ZNRF3: variants seen among roughly 807,000 people sequenced by gnomAD.
ZNRF3 encodes E3 ubiquitin-protein ligase ZNRF3.
Under a neutral mutation model 72.5 loss-of-function variants are expected in ZNRF3, and 23 were observed. The observed-to-expected ratio is 0.32, with a 90% CI of 0.23 to 0.45. The LOEUF (loss-of-function observed/expected upper bound fraction) is 0.45. Ranked by LOEUF, ZNRF3 falls within the 20% of genes least tolerant of loss-of-function variation. The probability of loss-of-function intolerance (pLI) is 1.00; values close to 1 mark genes in which losing one functional copy is unlikely to be tolerated. For missense variants in ZNRF3, 1,169 were observed against 1,272.1 expected, an observed-to-expected ratio of 0.92 and a Z score of 1.23; for synonymous variants, 610 against 545.3, an observed-to-expected ratio of 1.12 and a Z score of -1.65.
chr22:28,939,182 G>T (rs1439701818), intron 1 of ZNRF3, among the ~76,000 whole-genome samples: 1 of 151,692 alleles, frequency 6.6e-6, no homozygotes, highest in Non-Finnish European at 1.5e-5. Context: ...TACTTGGGAG[G>T]CTGAGGCAGG....
At chr22:28,937,897 G>C (rs1486947094) in intron 1 of ZNRF3, among the ~76,000 whole-genome samples, 1 of 152,172 alleles carries the variant, frequency 6.6e-6, no homozygotes, top group African/African-American at 2.4e-5. Context: ...AATAGTTTTA[G>C]ATTTGTGGAA....
At chr22:28,962,382 G>A (rs1278240639) in intron 1 of ZNRF3, among the ~76,000 whole-genome samples, 1 of 152,192 alleles carries the variant, frequency 6.6e-6, no homozygotes, top group Non-Finnish European at 1.5e-5. Flanking sequence ...GGAGTGCAGA[G>A]GGGTGCAATG....
chr22:28,937,190 TATATATATATATATATATATA>T (rs2034838680), intron 1 of ZNRF3, among the ~76,000 whole-genome samples: 2 of 3,146 alleles, frequency 6.4e-4, no homozygotes, highest in South Asian at 0.02. Context: ...TATATATATA[TATATATATATATATATATATA>T]TATATTTTTT....
intron 1 of ZNRF3, among the ~76,000 whole-genome samples, chr22:28,936,237 T>A (rs1267520713): frequency 6.6e-6 from 1 of 152,118 alleles, no homozygotes; most frequent in African/African-American, 2.4e-5. Context: ...AGTTTTATTC[T>A]CCTAATCCTC....
chr22:29,051,232 T>C (rs1315592079), intron 8 of ZNRF3, among the ~76,000 whole-genome samples: 7 of 152,116 alleles, frequency 4.6e-5, no homozygotes, highest in Non-Finnish European at 7.4e-5. Flanking sequence ...CCCATCCGCA[T>C]GCTCACACCA....
intron 1 of ZNRF3, among the ~76,000 whole-genome samples, chr22:28,964,162 G>A (rs2035417077): frequency 2.0e-5 from 3 of 152,224 alleles, no homozygotes; most frequent in East Asian, 1.9e-4. Context: ...TGAGGCAACC[G>A]ACTAAAGAAA....
At chr22:28,893,745 G>A (rs1246683168) in intron 1 of ZNRF3, among the ~76,000 whole-genome samples, 1 of 152,134 alleles carries the variant, frequency 6.6e-6, no homozygotes, top group African/African-American at 2.4e-5. Context: ...CAATTCACCC[G>A]CCTTGGCCTC....
chr22:29,028,714 C>T (rs955085933), intron 2 of ZNRF3, among the ~76,000 whole-genome samples: 37 of 152,300 alleles, frequency 2.4e-4, no homozygotes, highest in African/African-American at 8.9e-4. Context: ...GGGATCAACA[C>T]CACCTCCCTT....
chr22:28,891,681 CT>C, intron 1 of ZNRF3, among the ~76,000 whole-genome samples: 1 of 152,224 alleles, frequency 6.6e-6, no homozygotes, highest in Non-Finnish European at 1.5e-5. Flanking sequence ...TCACTTCACA[CT>C]TTCTTATGAT....
At chr22:29,029,576 T>C (rs1352509698) in intron 2 of ZNRF3, among the ~76,000 whole-genome samples, 1 of 152,182 alleles carries the variant, frequency 6.6e-6, no homozygotes, top group Non-Finnish European at 1.5e-5. Context: ...AGATCAGTGG[T>C]TCTCTGCCCT....
At chr22:28,934,410 C>T (rs2123781030) in intron 1 of ZNRF3, among the ~76,000 whole-genome samples, 1 of 152,306 alleles carries the variant, frequency 6.6e-6, no homozygotes, top group East Asian at 1.9e-4. Flanking sequence ...AAACAACAAT[C>T]ACAAAAAGTC....
intron 2 of ZNRF3, chr22:29,018,447 A>T (rs982047497): frequency 5.9e-6 from 1 of 169,396 alleles, no homozygotes; most frequent in African/African-American, 2.4e-5. Context: ...TCAGGACTAG[A>T]GCCCTGACTC....
intron 2 of ZNRF3, among the ~76,000 whole-genome samples, chr22:28,991,299 AAAAAAAAAAAAAG>A (rs1276650089): frequency 1.3e-5 from 2 of 148,422 alleles, no homozygotes; most frequent in African/African-American, 4.9e-5. Flanking sequence ...AAAAAAAAAA[AAAAAAAAAAAAAG>A]AAGAACAGTA....
chr22:28,894,336 G>A (rs1176768401), intron 1 of ZNRF3, among the ~76,000 whole-genome samples: 1 of 139,010 alleles, frequency 7.2e-6, no homozygotes, highest in Non-Finnish European at 1.5e-5. Flanking sequence ...GTAAAATACT[G>A]GCTTTTTTTT....
chr22:28,904,765 G>T (rs1173911495), intron 1 of ZNRF3, among the ~76,000 whole-genome samples: 1 of 151,902 alleles, frequency 6.6e-6, no homozygotes, highest in Non-Finnish European at 1.5e-5. Flanking sequence ...TGCTTCTTTG[G>T]TAAAGGCTAC....
intron 1 of ZNRF3, among the ~76,000 whole-genome samples, chr22:28,909,558 C>T (rs768656476): frequency 3.3e-5 from 5 of 151,894 alleles, no homozygotes; most frequent in East Asian, 1.9e-4. Context: ...AAGAAAACAG[C>T]GCCTTCCTTT....
intron 2 of ZNRF3, among the ~76,000 whole-genome samples, chr22:29,008,125 G>A (rs551960076): frequency 4.6e-5 from 7 of 152,268 alleles, no homozygotes; most frequent in Admixed American, 3.9e-4. Context: ...TATGCTCAAT[G>A]AGGAAGGAAA....
chr22:28,918,133 G>A (rs995976624), intron 1 of ZNRF3, among the ~76,000 whole-genome samples: 7 of 152,152 alleles, frequency 4.6e-5, no homozygotes, highest in South Asian at 2.1e-4. Context: ...CAGGCCTGGC[G>A]AAGTGTGGGG....
At chr22:28,926,181 G>A (rs2034596756) in intron 1 of ZNRF3, among the ~76,000 whole-genome samples, 1 of 152,190 alleles carries the variant, frequency 6.6e-6, no homozygotes, top group South Asian at 2.1e-4. Context: ...GTCTGGCCTT[G>A]TGGCTACAGT....
Sources: allele counts gnomAD v4.1 joint callset (sites outside exome capture counted in the v4.1 genomes callset), GRCh38; gene constraint gnomAD v4.1.1; transcripts MANE v1.5; gene names NCBI Gene and HGNC (gene_info 2026-07-23, HGNC 2026-07-21).